CNTN1: variants seen among roughly 807,000 people sequenced by gnomAD.
CNTN1 encodes contactin-1.
In CNTN1, 38 loss-of-function variants were observed where a neutral mutation model predicts 126.4. The ratio of observed to expected loss-of-function variants is 0.30; its 90% CI spans 0.23 to 0.39. CNTN1 has a LOEUF of 0.39. Ranked by LOEUF, CNTN1 falls within the 10% of genes least tolerant of loss-of-function variation. CNTN1 has a pLI of 1.00. For missense variants in CNTN1, 1,009 were observed against 1,248.4 expected, an observed-to-expected ratio of 0.81 and a Z score of 2.89; for synonymous variants, 413 against 422.6, an observed-to-expected ratio of 0.98 and a Z score of 0.28.
chr12:40,880,255 A>G (rs1565877378), intron 1 of CNTN1, among the ~76,000 whole-genome samples: 2 of 152,062 alleles, frequency 1.3e-5, no homozygotes, highest in Non-Finnish European at 2.9e-5. Context: ...AATCAGCTAG[A>G]TTTTAGAGAT....
intron 14 of CNTN1, among the ~76,000 whole-genome samples, chr12:40,951,327 T>A (rs1300039763): frequency 6.6e-6 from 1 of 152,168 alleles, no homozygotes; most frequent in Non-Finnish European, 1.5e-5. Context: ...AAACACACTC[T>A]TAGTAATTAT....
chr12:41,020,261 T>C, intron 19 of CNTN1, 76 bp from the exon 20 acceptor site: 1 of 901,824 alleles, frequency 1.1e-6, no homozygotes, highest in South Asian at 1.5e-5. Flanking sequence ...ACATCATTCA[T>C]ATAGCAAATG....
At chr12:40,712,069 T>A (rs1941928095) in intron 1 of CNTN1, among the ~76,000 whole-genome samples, 1 of 152,160 alleles carries the variant, frequency 6.6e-6, no homozygotes, top group Non-Finnish European at 1.5e-5. Flanking sequence ...TTCTTTGCCT[T>A]GAATTCACTC....
intron 23 of CNTN1, among the ~76,000 whole-genome samples, chr12:41,049,354 T>A (rs530530348): frequency 6.6e-6 from 1 of 152,352 alleles, no homozygotes; most frequent in Non-Finnish European, 1.5e-5. Context: ...GACATCTAAT[T>A]TAAACTCTTC....
chr12:40,930,373 T>C (rs1222064846), intron 7 of CNTN1, among the ~76,000 whole-genome samples: 1 of 152,024 alleles, frequency 6.6e-6, no homozygotes, highest in Non-Finnish European at 1.5e-5. Flanking sequence ...GATTGGTAGA[T>C]CAAAACAAAC....
intron 1 of CNTN1, among the ~76,000 whole-genome samples, chr12:40,902,113 T>G (rs1022040981): frequency 2.0e-5 from 3 of 152,240 alleles, no homozygotes; most frequent in Admixed American, 2.0e-4. Context: ...AATTCAAAAC[T>G]AGTTTTATTT....
chr12:40,884,687 A>G (rs1943972899), intron 1 of CNTN1, among the ~76,000 whole-genome samples: 1 of 151,434 alleles, frequency 6.6e-6, no homozygotes, highest in Non-Finnish European at 1.5e-5. Context: ...TTTTTTATTC[A>G]TATGTCATAC....
At chr12:40,928,129 T>C (rs535811946) in intron 6 of CNTN1, among the ~76,000 whole-genome samples, 1 of 152,166 alleles carries the variant, frequency 6.6e-6, no homozygotes, top group South Asian at 2.1e-4. Flanking sequence ...TGTAAGGAAA[T>C]ACAAAATTTC....
chr12:40,925,946 C>T (rs1244348653), intron 6 of CNTN1, among the ~76,000 whole-genome samples: 3 of 149,844 alleles, frequency 2.0e-5, no homozygotes, highest in Non-Finnish European at 4.4e-5. Flanking sequence ...CCAGTGACTA[C>T]ATTTGACCAT....
At position 41,070,088 on chromosome 12, in the gene CNTN1, C is replaced by A; in HGVS notation, c.*53C>A. Reference sequence around the variant, plus strand: ...CCCAGCTCAGAAGACACCCTTCAACCCTGGGATGACCACAATTCCTTCCAA... The same window carrying A: ...CCCAGCTCAGAAGACACCCTTCAACACTGGGATGACCACAATTCCTTCCAA... On this transcript the variant is annotated 3_prime_UTR_variant, in exon 24 of 24. Transcript: ENST00000551295. The A allele has an allele frequency of 1.4e-6, 2 of 1,466,290 alleles. No individual in the cohort carries two copies. Among genetic ancestry groups the A allele is most frequent in the Non-Finnish European group, 1.9e-6 (2 of 1,046,472 alleles). 90.8% of individuals were successfully genotyped at this position (1,466,290 alleles called of 1,614,324 possible). A position where few individuals can be genotyped will look rare whatever the true frequency, so the allele number is the denominator to read the frequency against.
At chr12:40,888,237 G>A (rs547991026) in intron 1 of CNTN1, among the ~76,000 whole-genome samples, 1 of 152,060 alleles carries the variant, frequency 6.6e-6, no homozygotes, top group East Asian at 1.9e-4. Flanking sequence ...ATTAATTTTT[G>A]TGATGATTTA....
intron 3 of CNTN1, among the ~76,000 whole-genome samples, chr12:40,911,230 G>A (rs1421131577): frequency 9.2e-5 from 14 of 152,084 alleles, no homozygotes; most frequent in Admixed American, 2.6e-4. Flanking sequence ...ACAGGCACCC[G>A]CAACCACGCC....
intron 6 of CNTN1, among the ~76,000 whole-genome samples, chr12:40,925,156 T>C (rs910220786): frequency 1.3e-5 from 2 of 151,784 alleles, no homozygotes; most frequent in Admixed American, 1.3e-4. Flanking sequence ...AAATTAAGTG[T>C]CATCTGTTAT....
chr12:40,766,564 G>A lies in CNTN1; in HGVS notation c.-77+73972G>A, dbSNP rs1592063555. Reference sequence around the variant, plus strand: ...GTGTTACTGGCCTTTAAAAGGGGTGGAGGGTACTAAATATCCTGTAATCCT... The same window carrying A: ...GTGTTACTGGCCTTTAAAAGGGGTGAAGGGTACTAAATATCCTGTAATCCT... On this transcript the variant is annotated intron_variant, in intron 1 of 23. Coordinates refer to ENST00000551295, the MANE Select transcript of CNTN1 (RefSeq NM_001843.4). Among the ~76,000 whole-genome samples the A allele has an allele frequency of 2.6e-5, 4 of 152,186 alleles. No individual in the cohort carries two copies. In the South Asian group the frequency reaches 8.3e-4, roughly 32 times the overall value.
chr12:41,033,910 C>T (rs1031911184), intron 23 of CNTN1, among the ~76,000 whole-genome samples: 7 of 150,398 alleles, frequency 4.7e-5, no homozygotes, highest in African/African-American at 1.2e-4. Flanking sequence ...ATTAGCCGGG[C>T]GTGGTGGCGG....
chr12:41,056,494 G>C (rs1188547497), intron 23 of CNTN1, among the ~76,000 whole-genome samples: 1 of 152,118 alleles, frequency 6.6e-6, no homozygotes, highest in Non-Finnish European at 1.5e-5. Flanking sequence ...AACAAGAGAA[G>C]AGAAACAGAG....
At chr12:40,720,476 C>G (rs1260232175) in intron 1 of CNTN1, among the ~76,000 whole-genome samples, 6 of 151,862 alleles carry the variant, frequency 4.0e-5, no homozygotes, top group Non-Finnish European at 7.4e-5. Flanking sequence ...AATTAAGGCA[C>G]AGAGTCAAAT....
At position 40,918,724 on chromosome 12, in the gene CNTN1, A is replaced by G. The variant is rs1206503277; in HGVS notation, c.180A>G (p.Lys60=). ...TIYPEESLEG[K]VSLNCRARAS... is the part of the protein sequence containing the mutation. ...ATCCAGAGGAATCACTGGAAGGAAAAGTCTCACTCAACTGTAGGGCACGAG... is the reference window on the plus strand; with the variant it reads ...ATCCAGAGGAATCACTGGAAGGAAAGGTCTCACTCAACTGTAGGGCACGAG... The change falls in exon 4 of 24, where the codon AAA becomes AAG. Residue 60 remains lysine (K), a synonymous_variant. Transcript: ENST00000551295. The G allele has an allele frequency of 6.2e-7, 1 of 1,613,684 alleles. No individual in the cohort carries two copies. The highest frequency in any genetic ancestry group is 1.3e-5 in the African/African-American group (1 of 74,908).
intron 1 of CNTN1, among the ~76,000 whole-genome samples, chr12:40,719,015 A>T (rs1371289883): frequency 1.3e-5 from 2 of 151,866 alleles, no homozygotes; most frequent in African/African-American, 4.8e-5. Context: ...TTTTTTTTTA[A>T]CAGAGGCTAT....
Sources: gnomAD v4.1 joint callset for allele counts (sites outside exome capture counted in the v4.1 genomes callset) on GRCh38, gnomAD v4.1.1 for gene constraint, MANE v1.5 for transcripts, NCBI Gene and HGNC (gene_info 2026-07-23, HGNC 2026-07-21) for gene names.